The following OXR1 variants were observed in gnomAD, a reference collection of about 807,000 sequenced individuals.
OXR1 encodes oxidation resistance protein 1.
In OXR1, 41 loss-of-function variants were observed where a neutral mutation model predicts 104.6. The observed-to-expected ratio is 0.39, with a 90% confidence interval of 0.31 to 0.51. The LOEUF (loss-of-function observed/expected upper bound fraction) is 0.51, where lower values mean the gene tolerates loss of function less well. Ranked by LOEUF, OXR1 falls within the 20% of genes least tolerant of loss-of-function variation. OXR1 has a pLI of 0.77. For missense variants in OXR1, 955 were observed against 1,031.9 expected (o/e 0.93, Z 1.02); for synonymous variants, 348 against 348.4 (o/e 1.00, Z 0.01).
chr8:106,690,259 T>C (rs1017774976), intron 6 of OXR1, among the ~76,000 whole-genome samples: 2 of 150,918 alleles, frequency 1.3e-5, no homozygotes, highest in South Asian at 4.2e-4. Context: ...TCAATACCAC[T>C]CAAATGTGTA....
chr8:106,751,865 AG>A lies in OXR1; in HGVS notation c.*926del, dbSNP rs1350499002. The stretch of plus-strand genomic sequence containing the variant: ...AAAATATAGGTTACTCTTGTTCAAA[AG>A]GAAAAAAAAAATTGTGATTTTCTTT... On this transcript the variant is annotated 3_prime_UTR_variant, in exon 17 of 17. Coordinates refer to ENST00000517566, the MANE Select transcript of OXR1 (RefSeq NM_001198533.2). 6.6e-6 allele frequency: 1 copy of A among 152,464 alleles called. No homozygotes were observed. The highest frequency in any genetic ancestry group is 1.5e-5 in the Non-Finnish European group (1 of 67,932). The allele number at this position is 152,464 out of a possible 1,614,324, so 9.4% of individuals were successfully genotyped here. A position where few individuals can be genotyped will look rare whatever the true frequency, so the allele number is the denominator to read the frequency against.
rs974943538 is a variant in OXR1, at chr8:106,302,461, C to G, written c.-139+32094C>G. ...TTAAGCCCGGCGTGGTGGCGGGCAC[C>G]TGTAGTCCCAGCTACTCGGGAGGCT... On this transcript the variant is annotated intron_variant, in intron 1 of 16. Coordinates refer to ENST00000517566, the MANE Select transcript of OXR1 (RefSeq NM_001198533.2). Among the ~76,000 whole-genome samples, 3 of 151,670 alleles carry G rather than the reference C, an allele frequency of 2.0e-5. 1 individual carries two copies. The East Asian group carries it at 6.0e-4, about 30-fold the overall frequency.
At chr8:106,292,578 T>C (rs1164176568) in intron 1 of OXR1, among the ~76,000 whole-genome samples, 1 of 152,196 alleles carries the variant, frequency 6.6e-6, no homozygotes, top group African/African-American at 2.4e-5. Flanking sequence ...TGGTGGGTCT[T>C]GGAATGTATT....
At chr8:106,404,147 G>A (rs756769749) in intron 2 of OXR1, among the ~76,000 whole-genome samples, 12 of 152,256 alleles carry the variant, frequency 7.9e-5, no homozygotes, top group Non-Finnish European at 1.3e-4. Flanking sequence ...TCACCTGGGG[G>A]TAGGGATGCT....
chr8:106,706,560 A>G lies in OXR1; in HGVS notation c.1039A>G (p.Ile347Val). 2 of 1,611,438 alleles carry G rather than the reference A, an allele frequency of 1.2e-6. No homozygotes were observed. ...GTTCACAGAATCAGAACTTTCCCCT[A>G]TACGAGAGGAGCTTGTATCTTCAGA... ...DVFTESELSP[I>V]REELVSSDEL... Residue 347 changes from isoleucine to valine, a missense_variant, in exon 9 of 17, where the codon ATA becomes GTA. Coordinates refer to ENST00000517566, the MANE Select transcript of OXR1 (RefSeq NM_001198533.2).
chr8:106,699,068 A>C (rs1012251634), intron 7 of OXR1, among the ~76,000 whole-genome samples: 1 of 152,152 alleles, frequency 6.6e-6, no homozygotes, highest in African/African-American at 2.4e-5. Context: ...CTTGTTCATA[A>C]GTTTTGTTAG....
At chr8:106,491,227 CT>C (rs956394829) in intron 2 of OXR1, among the ~76,000 whole-genome samples, 1 of 152,158 alleles carries the variant, frequency 6.6e-6, no homozygotes, top group African/African-American at 2.4e-5. Context: ...GCTTTCCTTT[CT>C]TTTTCATTTT....
At chr8:106,463,155 AG>A (rs1444884753) in intron 2 of OXR1, among the ~76,000 whole-genome samples, 2 of 152,208 alleles carry the variant, frequency 1.3e-5, no homozygotes, top group East Asian at 3.9e-4. Context: ...AGGAGAACAC[AG>A]AAAAAATTAT....
chr8:106,652,751 T>TA (rs1824705608), intron 3 of OXR1, among the ~76,000 whole-genome samples: 1 of 150,838 alleles, frequency 6.6e-6, no homozygotes, highest in Non-Finnish European at 1.5e-5. Context: ...ACAAAACAAA[T>TA]AGAAGGAAAT....
At chr8:106,559,707 T>C (rs1056733048) in intron 3 of OXR1, among the ~76,000 whole-genome samples, 3 of 152,146 alleles carry the variant, frequency 2.0e-5, no homozygotes, top group African/African-American at 7.2e-5. Flanking sequence ...TCCTTTTTGC[T>C]GTATCCTCAC....
chr8:106,499,514 A>T (rs894994004), intron 2 of OXR1, among the ~76,000 whole-genome samples: 12 of 152,156 alleles, frequency 7.9e-5, no homozygotes, highest in African/African-American at 2.9e-4. Flanking sequence ...CTGTATATTT[A>T]GAGGGTTTTT....
intron 2 of OXR1, among the ~76,000 whole-genome samples, chr8:106,473,444 G>A (rs569763263): frequency 2.0e-5 from 3 of 151,876 alleles, no homozygotes; most frequent in African/African-American, 4.8e-5. Flanking sequence ...TCATGTTTTC[G>A]TTAGAAAAAT....
intron 1 of OXR1, among the ~76,000 whole-genome samples, chr8:106,296,575 C>G (rs950333499): frequency 6.6e-6 from 1 of 152,160 alleles, no homozygotes; most frequent in African/African-American, 2.4e-5. Context: ...ATAAAACCAG[C>G]CCCATATTGA....
intron 3 of OXR1, among the ~76,000 whole-genome samples, chr8:106,677,477 T>C (rs1278279677): frequency 6.6e-6 from 1 of 152,126 alleles, no homozygotes; most frequent in East Asian, 1.9e-4. Context: ...GAAGAATATC[T>C]CATTTCCTAC....
At chr8:106,445,605 G>T (rs1819981785) in intron 2 of OXR1, among the ~76,000 whole-genome samples, 1 of 152,062 alleles carries the variant, frequency 6.6e-6, no homozygotes, top group Admixed American at 6.6e-5. Flanking sequence ...TTCCAACCAT[G>T]TCCATCATCT....
In OXR1 at chr8:106,750,808, G is replaced by T. The variant is rs1232067520; in HGVS notation, c.2489G>T (p.Gly830Val). The T allele has an allele frequency of 6.3e-7, 1 of 1,588,908 alleles. No homozygotes were observed. The highest frequency in any genetic ancestry group is 2.2e-5 in the East Asian group (1 of 44,494). Reference protein sequence around the residue: ...MDSLAFGGGGGEFALWLDGDL... With the variant: ...MDSLAFGGGGVEFALWLDGDL... ...AGATTATTATTTATGTATTGCAGAG[G>T]AGAATTTGCGCTTTGGCTTGATGGA... The change falls in exon 17 of 17, where the codon GGA (glycine) becomes GTA (valine). Residue 830 changes from glycine (G) to valine (V), a missense_variant and splice_region_variant. Physicochemically the swap from Gly to Val is moderately radical, Grantham distance 109. Around this residue, in one of 2 missense-constraint regions of OXR1, gnomAD observed 106 missense variants for 179.0 expected, o/e 0.59. Coordinates refer to ENST00000517566, the MANE Select transcript of OXR1 (RefSeq NM_001198533.2).
chr8:106,325,666 T>A (rs1213544189), intron 1 of OXR1, among the ~76,000 whole-genome samples: 1 of 152,194 alleles, frequency 6.6e-6, no homozygotes, highest in Non-Finnish European at 1.5e-5. Context: ...TGAGTCACCC[T>A]GAAATTTGCC....
At chr8:106,745,173 A>G (rs541366000) in intron 15 of OXR1, among the ~76,000 whole-genome samples, 2 of 152,226 alleles carry the variant, frequency 1.3e-5, no homozygotes, top group African/African-American at 2.4e-5. Flanking sequence ...AGAAATTGCT[A>G]CTATGTTAGG....
At chr8:106,353,321 C>T (rs1172705401) in intron 1 of OXR1, among the ~76,000 whole-genome samples, 1 of 151,930 alleles carries the variant, frequency 6.6e-6, no homozygotes, top group Non-Finnish European at 1.5e-5. Context: ...TGTACTCCAG[C>T]CTGGGCGACT....
Sources: allele counts gnomAD v4.1 joint callset (sites outside exome capture counted in the v4.1 genomes callset), GRCh38; gene constraint gnomAD v4.1.1; regional missense constraint gnomAD v4.1.1; transcripts MANE v1.5; gene names NCBI Gene and HGNC (gene_info 2026-07-23, HGNC 2026-07-21).